The following ANO6 variants were observed in gnomAD, a reference collection of about 807,000 sequenced individuals.
The protein encoded by ANO6 is anoctamin-6.
A neutral mutation model predicts 117.5 loss-of-function variants in ANO6; 106 were observed. That is an observed-to-expected ratio of 0.90 (90% CI 0.77 to 1.06). ANO6 has a LOEUF of 1.06. ANO6 is among the 50% of genes least tolerant of loss of function. ANO6 has a pLI of 0.00. For synonymous variants in ANO6, 367 were observed against 385.1 expected (o/e 0.95, Z 0.55); for missense variants, 955 against 1,121.1 (o/e 0.85, Z 2.12).
At chr12:45,269,000 C>A (rs967999397) in intron 1 of ANO6, among the ~76,000 whole-genome samples, 3 of 152,166 alleles carry the variant, frequency 2.0e-5, no homozygotes, top group Non-Finnish European at 2.9e-5. Flanking sequence ...ATGGTGGAGA[C>A]CAGGACGCCT....
chr12:45,301,251 A>C (rs1422501575), intron 1 of ANO6, among the ~76,000 whole-genome samples: 3 of 151,962 alleles, frequency 2.0e-5, no homozygotes, highest in East Asian at 1.9e-4. Context: ...TTTTTTTTAA[A>C]AACGTCTCTA....
chr12:45,332,477 A>G (rs1309790713), intron 3 of ANO6, among the ~76,000 whole-genome samples: 1 of 152,044 alleles, frequency 6.6e-6, no homozygotes, highest in Non-Finnish European at 1.5e-5. Context: ...TGTTTGTTTC[A>G]GAGGGGGTTA....
intron 3 of ANO6, among the ~76,000 whole-genome samples, chr12:45,342,222 T>A (rs1201289491): frequency 6.6e-6 from 1 of 152,172 alleles, no homozygotes; most frequent in East Asian, 1.9e-4. Flanking sequence ...GAGAGTCCCT[T>A]GAAGGTGATG....
In ANO6 at chr12:45,318,423, C is replaced by G. The variant is rs143030130; in HGVS notation, c.151-12872C>G. ...TGTTTTTCTCAGGTTTGTCAAAGAT[C>G]AAATAGTTGTAGATGTGTGGTATTA... On this transcript the variant is annotated intron_variant, in intron 2 of 19. Transcript: ENST00000320560. Among the ~76,000 whole-genome samples, 1,499 of 152,228 alleles carry G rather than the reference C, an allele frequency of 9.8e-3. 27 individuals are homozygous for G. Among genetic ancestry groups the G allele is most frequent in the African/African-American group, 0.034 (1,403 of 41,516 alleles).
Position 45,388,117 on chromosome 12 carries a change from G to A in ANO6, c.1166-44G>A, listed in dbSNP as rs375403408. 84 of 1,611,368 alleles carry A rather than the reference G, an allele frequency of 5.2e-5. No individual in the cohort carries two copies. In the African/African-American group the frequency reaches 7.7e-4, roughly 15 times the overall value. ...TTCAGTACAGATTTCTGAAACATCAGTCATCATTGAAAATCCACACAAGCT... is the reference window on the plus strand; with the variant it reads ...TTCAGTACAGATTTCTGAAACATCAATCATCATTGAAAATCCACACAAGCT... On this transcript the variant is annotated intron_variant, in intron 10 of 19. Transcript: ENST00000320560.
chr12:45,362,082 T>G (rs1355238152), intron 8 of ANO6, among the ~76,000 whole-genome samples: 1 of 152,158 alleles, frequency 6.6e-6, no homozygotes, highest in Admixed American at 6.5e-5. Context: ...CTTTAAATGG[T>G]AGGTGGAATT....
At chr12:45,287,983 G>A (rs532715713) in intron 1 of ANO6, among the ~76,000 whole-genome samples, 3 of 152,234 alleles carry the variant, frequency 2.0e-5, no homozygotes, top group African/African-American at 7.2e-5. Context: ...TTATGGCAAG[G>A]GGGAGAGTTA....
At chr12:45,281,889 A>G (rs1938748604) in intron 1 of ANO6, among the ~76,000 whole-genome samples, 1 of 152,188 alleles carries the variant, frequency 6.6e-6, no homozygotes, top group South Asian at 2.1e-4. Context: ...ATAAGTGATT[A>G]AAAGGGGATG....
chr12:45,279,128 T>C (rs544028697), intron 1 of ANO6, among the ~76,000 whole-genome samples: 2 of 152,172 alleles, frequency 1.3e-5, no homozygotes, highest in South Asian at 4.2e-4. Flanking sequence ...CTAGGTAGGG[T>C]GGGGTTGGGA....
chr12:45,399,929 A>G (rs769910050), intron 12 of ANO6, among the ~76,000 whole-genome samples: 2 of 152,238 alleles, frequency 1.3e-5, no homozygotes, highest in African/African-American at 4.8e-5. Flanking sequence ...TCCTGCCCCT[A>G]TGAAGAAATA....
At chr12:45,382,491 TGACCCTG>T (rs2137558950) in intron 10 of ANO6, among the ~76,000 whole-genome samples, 1 of 152,328 alleles carries the variant, frequency 6.6e-6, no homozygotes, top group South Asian at 2.1e-4. Flanking sequence ...TTCAGCATGT[TGACCCTG>T]GACTCCTCCC....
At chr12:45,371,416 A>G (rs1437079883) in intron 9 of ANO6, among the ~76,000 whole-genome samples, 1 of 152,198 alleles carries the variant, frequency 6.6e-6, no homozygotes, top group Admixed American at 6.5e-5. Flanking sequence ...CAGGGCACAG[A>G]CAAACAAAAA....
At chr12:45,378,744 G>A (rs567328613) in intron 10 of ANO6, among the ~76,000 whole-genome samples, 1 of 152,294 alleles carries the variant, frequency 6.6e-6, no homozygotes, top group South Asian at 2.1e-4. Context: ...AGCCCTCACA[G>A]TGTGATACAA....
At chr12:45,273,333 A>T (rs758873623) in intron 1 of ANO6, among the ~76,000 whole-genome samples, 1 of 152,224 alleles carries the variant, frequency 6.6e-6, no homozygotes, top group Non-Finnish European at 1.5e-5. Context: ...TAAATATTTT[A>T]AAATGGAAGA....
At chr12:45,251,587 C>T (rs776643883) in intron 1 of ANO6, among the ~76,000 whole-genome samples, 2 of 152,106 alleles carry the variant, frequency 1.3e-5, no homozygotes, top group Non-Finnish European at 2.9e-5. Flanking sequence ...GGCCCAGAGA[C>T]TAATGTTCCA....
chr12:45,270,565 T>C, intron 1 of ANO6: 1 of 659,226 alleles, frequency 1.5e-6, no homozygotes. Context: ...CATCCTTCCT[T>C]CTTTTTCCCC....
intron 1 of ANO6, among the ~76,000 whole-genome samples, chr12:45,226,517 A>G (rs1373448173): frequency 6.6e-6 from 1 of 152,004 alleles, no homozygotes; most frequent in African/African-American, 2.4e-5. Context: ...AAGCCATGCA[A>G]ATAGATGTTC....
intron 12 of ANO6, among the ~76,000 whole-genome samples, chr12:45,400,525 C>T (rs1359775274): frequency 6.6e-6 from 1 of 152,226 alleles, no homozygotes; most frequent in African/African-American, 2.4e-5. Flanking sequence ...TAACACTTAA[C>T]TTTGGTTGCT....
intron 19 of ANO6, among the ~76,000 whole-genome samples, chr12:45,438,263 G>GTGTGTGTGTGTGTGTATGTA (rs1462352572): frequency 6.6e-6 from 1 of 151,860 alleles, no homozygotes; most frequent in Non-Finnish European, 1.5e-5. Context: ...GTGTGTGTGT[G>GTGTGTGTGTGTGTGTATGTA]TGTGTGTGTG....
Sources: allele counts gnomAD v4.1 joint callset (sites outside exome capture counted in the v4.1 genomes callset), GRCh38; gene constraint gnomAD v4.1.1; transcripts MANE v1.5; gene names NCBI Gene and HGNC (gene_info 2026-07-23, HGNC 2026-07-21).